Variants in CSNK2A2IP observed in about 807,000 individuals in gnomAD.
CSNK2A2IP encodes casein kinase II subunit alpha'-interacting protein.
the CSNK2A2IP span, among the ~76,000 whole-genome samples, chr3:88,455,435 A>G: frequency 6.6e-6 from 1 of 151,652 alleles, no homozygotes; most frequent in Non-Finnish European, 1.5e-5. Context: ...GTAGTTTTTG[A>G]TTTTCATTTC....
the CSNK2A2IP span, chr3:88,466,745 C>G: frequency 1.1e-6 from 1 of 891,598 alleles, no homozygotes; most frequent in East Asian, 3.3e-5. Context: ...AGGCCAAATC[C>G]TCATCCTGGT....
At chr3:88,348,417 C>T in the CSNK2A2IP span, among the ~76,000 whole-genome samples, 3 of 151,974 alleles carry the variant, frequency 2.0e-5, no homozygotes, top group Admixed American at 6.6e-5. Flanking sequence ...ATTGCCTATT[C>T]TACTTAGACT....
At chr3:88,390,342 T>C in the CSNK2A2IP span, among the ~76,000 whole-genome samples, 1 of 152,096 alleles carries the variant, frequency 6.6e-6, no homozygotes, top group African/African-American at 2.4e-5. Flanking sequence ...ATTTTAAAGA[T>C]AAAAGCTCTA....
the CSNK2A2IP span, among the ~76,000 whole-genome samples, chr3:88,363,204 A>G: frequency 2.6e-5 from 4 of 152,204 alleles, no homozygotes; most frequent in African/African-American, 4.8e-5. Flanking sequence ...TTCTTGTTAT[A>G]TGTTAAATTA....
chr3:88,352,117 T>C, the CSNK2A2IP span, among the ~76,000 whole-genome samples: 1 of 152,150 alleles, frequency 6.6e-6, no homozygotes, highest in African/African-American at 2.4e-5. Flanking sequence ...GTAATTCCAT[T>C]TTTTTACTGT....
At chr3:88,406,607 G>T in the CSNK2A2IP span, among the ~76,000 whole-genome samples, 1 of 152,164 alleles carries the variant, frequency 6.6e-6, no homozygotes, top group Non-Finnish European at 1.5e-5. Flanking sequence ...ATGATTTTAA[G>T]TTGGGATTTT....
chr3:88,426,130 A>G, the CSNK2A2IP span, among the ~76,000 whole-genome samples: 1 of 152,224 alleles, frequency 6.6e-6, no homozygotes, highest in Non-Finnish European at 1.5e-5. Context: ...AAAGGAATTT[A>G]TAAAACATTG....
At chr3:88,465,668 G>A in the CSNK2A2IP span, 2 of 1,231,548 alleles carry the variant, frequency 1.6e-6, no homozygotes, top group Non-Finnish European at 2.0e-6. Context: ...CCTTCAATAG[G>A]CCTCCACTGG....
chr3:88,404,251 G>A, the CSNK2A2IP span, among the ~76,000 whole-genome samples: 2 of 152,106 alleles, frequency 1.3e-5, no homozygotes, highest in African/African-American at 4.8e-5. Context: ...ACAGTGAAAT[G>A]TTGGGAAAGT....
At chr3:88,432,943 A>G in the CSNK2A2IP span, among the ~76,000 whole-genome samples, 2 of 151,800 alleles carry the variant, frequency 1.3e-5, no homozygotes, top group African/African-American at 4.8e-5. Flanking sequence ...TTCTCCTCAT[A>G]TTTTTGATTA....
At chr3:88,445,275 CAAAAAAAAAA>C in the CSNK2A2IP span, among the ~76,000 whole-genome samples, 4 of 47,766 alleles carry the variant, frequency 8.4e-5, no homozygotes, top group Admixed American at 3.9e-4. Flanking sequence ...GTAAAAATAC[CAAAAAAAAAA>C]AAAAAAAAAA....
At chr3:88,455,917 TTGA>T in the CSNK2A2IP span, among the ~76,000 whole-genome samples, 3 of 151,760 alleles carry the variant, frequency 2.0e-5, no homozygotes, top group Non-Finnish European at 4.4e-5. Flanking sequence ...GATTTTTTTT[TTGA>T]GTGTGGATAT....
the CSNK2A2IP span, among the ~76,000 whole-genome samples, chr3:88,344,743 A>G: frequency 7.2e-5 from 11 of 151,946 alleles, no homozygotes; most frequent in African/African-American, 2.7e-4. Context: ...CTAATAATAA[A>G]GGGACAGATA....
chr3:88,431,284 C>T, the CSNK2A2IP span: 1 of 152,190 alleles, frequency 6.6e-6, no homozygotes, highest in South Asian at 2.1e-4. Flanking sequence ...TTCCCTTCTT[C>T]TCACTACTGC....
the CSNK2A2IP span, among the ~76,000 whole-genome samples, chr3:88,409,106 A>G: frequency 6.6e-6 from 1 of 152,068 alleles, no homozygotes; most frequent in African/African-American, 2.4e-5. Flanking sequence ...TTCGGTGTCA[A>G]GTGTCTTCAT....
At chr3:88,353,422 T>C in the CSNK2A2IP span, among the ~76,000 whole-genome samples, 1 of 152,228 alleles carries the variant, frequency 6.6e-6, no homozygotes, top group African/African-American at 2.4e-5. Flanking sequence ...TATGAATTTG[T>C]TACTTGCTTG....
chr3:88,383,003 C>T, the CSNK2A2IP span, among the ~76,000 whole-genome samples: 1 of 152,134 alleles, frequency 6.6e-6, no homozygotes, highest in African/African-American at 2.4e-5. Context: ...AACTCTGTGG[C>T]ATTGTAAAAC....
At chr3:88,462,848 T>C in the CSNK2A2IP span, among the ~76,000 whole-genome samples, 1 of 152,188 alleles carries the variant, frequency 6.6e-6, no homozygotes, top group Non-Finnish European at 1.5e-5. Context: ...TATTTGGAAA[T>C]ACTATTTGGA....
the CSNK2A2IP span, among the ~76,000 whole-genome samples, chr3:88,405,603 G>T: frequency 2.0e-5 from 3 of 152,240 alleles, no homozygotes; most frequent in East Asian, 5.8e-4. Flanking sequence ...GTGATTTCTA[G>T]CCCTGGACTC....
Sources: allele counts gnomAD v4.1 joint callset (sites outside exome capture counted in the v4.1 genomes callset), GRCh38; gene constraint gnomAD v4.1.1; transcripts MANE v1.5; gene names NCBI Gene and HGNC (gene_info 2026-07-23, HGNC 2026-07-21).